SRSF5: variants seen among roughly 807,000 people sequenced by gnomAD.
The protein encoded by SRSF5 is serine and arginine rich splicing factor 5.
Under a neutral mutation model 34.0 loss-of-function variants are expected in SRSF5, and 5 were observed. That is an observed-to-expected ratio of 0.15 (90% confidence interval 0.08 to 0.31). The LOEUF is 0.31. SRSF5 is among the 10% of genes least tolerant of loss of function. The pLI, the probability that SRSF5 is intolerant of heterozygous loss-of-function variation, is 1.00. For synonymous variants in SRSF5, 164 were observed against 117.7 expected (o/e 1.39, Z -2.55); for missense variants, 223 against 351.4 (o/e 0.63, Z 2.92).
At chr14:69,770,112 T>A (rs1883019589) in intron 5 of SRSF5, 3 of 1,035,202 alleles carry the variant, frequency 2.9e-6, no homozygotes, top group Admixed American at 5.4e-5. Context: ...TCTGTTTTTT[T>A]AAATAAAACT....
chr14:69,771,673 TCTG>T lies in SRSF5; in HGVS notation c.*215_*217del, dbSNP rs1031060336. On this transcript the variant is annotated 3_prime_UTR_variant, in exon 8 of 8. Transcript: ENST00000557154. ...GTATTAAATGTCTTTTGATAAGCCTTCTGCTCACATTTTTGTGAATGTCTGAAG... is the reference window on the plus strand; with the variant it reads ...GTATTAAATGTCTTTTGATAAGCCTTCTCACATTTTTGTGAATGTCTGAAG... 5 of 577,286 alleles carry T rather than the reference TCTG, an allele frequency of 8.7e-6. No homozygotes were observed. The highest frequency in any genetic ancestry group is 3.0e-5 in the East Asian group (1 of 33,790). 35.8% of individuals were successfully genotyped at this position (577,286 alleles called of 1,614,324 possible).
At chr14:69,767,412 T>A in intron 1 of SRSF5, 157 bp downstream of exon 1, 1 of 455,918 alleles carries the variant, frequency 2.2e-6, no homozygotes, top group Non-Finnish European at 4.4e-6. Flanking sequence ...CCTTTTGGCA[T>A]ACTGTTTGAG....
At chr14:69,770,211 A>G in intron 5 of SRSF5, 1 of 1,220,436 alleles carries the variant, frequency 8.2e-7, no homozygotes, top group Non-Finnish European at 1.0e-6. Flanking sequence ...TACTGAGCTC[A>G]GCATAGACTA....
At chr14:69,769,801 G>A in intron 5 of SRSF5, 2 of 1,344,570 alleles carry the variant, frequency 1.5e-6, no homozygotes, top group Non-Finnish European at 1.9e-6. Context: ...TGAAAGATAC[G>A]AAATTAGGTG....
Position 69,771,283 on chromosome 14 carries a change from G to A in SRSF5, c.641G>A (p.Arg214Gln), listed in dbSNP as rs981843005. The A allele has an allele frequency of 6.2e-7, 1 of 1,613,956 alleles. No homozygotes were observed. The highest frequency in any genetic ancestry group is 8.5e-7 in the Non-Finnish European group (1 of 1,180,020). ...SRSRSRKSYSRSRSRSRSRSR... is the reference protein window; with the variant it reads ...SRSRSRKSYSQSRSRSRSRSR... The stretch of plus-strand genomic sequence containing the variant: ...TCCCGTAGTCGCAAATCTTACAGCC[G>A]GTCAAGAAGCAGGAGCAGGAGCCGG... The change falls in exon 8 of 8, where the codon CGG becomes CAG. Residue 214 changes from arginine to glutamine, a missense_variant. Arg to Gln is a conservative substitution (Grantham distance 43). Around this residue, in one of 4 missense-constraint regions of SRSF5, gnomAD observed 115 missense variants for 119.7 expected, o/e 0.96. Coordinates refer to ENST00000557154, the MANE Select transcript of SRSF5 (RefSeq NM_001320214.2).
At position 69,768,945 on chromosome 14, in the gene SRSF5, A is replaced by G. The variant is rs529958922; in HGVS notation, c.296+49A>G. 3.8e-6 allele frequency: 6 copies of G among 1,574,720 alleles called. No homozygotes were observed. The East Asian group carries it at 9.0e-5, about 23-fold the overall frequency. On this transcript the variant is annotated intron_variant, in intron 4 of 7. Transcript: ENST00000557154. ...ATTGAACAATTATTGTAGGGGTAGC[A>G]TTTAAGATTCAGGAGTCATTAGCAG... is the stretch of plus-strand genomic sequence containing the variant.
At chr14:69,769,336 AAGT>A (rs1213084889) in intron 5 of SRSF5, 85 bp downstream of exon 5, 44 of 1,554,210 alleles carry the variant, frequency 2.8e-5, no homozygotes, top group South Asian at 2.8e-4. Flanking sequence ...GTTTTATTAA[AAGT>A]AGTTTTAAAT....
rs367816486 is a variant in SRSF5 at position 69,768,575 on chromosome 14, A to G, written c.127-29A>G. On this transcript the variant is annotated intron_variant, in intron 2 of 7. Transcript: ENST00000557154. ...GTTGTAGAATACTCTTCTAAAGCCA[A>G]TGTTAAGAGTCTTATGCTTACATTT... The G allele has an allele frequency of 4.4e-4, 708 of 1,605,072 alleles. 1 individual carries two copies. Among genetic ancestry groups the G allele is most frequent in the Middle Eastern group, 1.5e-3 (9 of 6,032 alleles).
intron 6 of SRSF5, 110 bp from the exon 7 acceptor site, chr14:69,770,885 A>G: frequency 2.1e-6 from 2 of 935,456 alleles, no homozygotes; most frequent in South Asian, 1.7e-5. Context: ...ATAAGACTCA[A>G]TAGTAGCAAT....
intron 2 of SRSF5, 158 bp downstream of exon 2, chr14:69,768,440 C>A: frequency 7.9e-7 from 1 of 1,271,652 alleles, no homozygotes; most frequent in Non-Finnish European, 1.1e-6. Context: ...TTTAACTTGC[C>A]GGCTCACTGG....
rs1467710301 is a variant in SRSF5 at position 69,768,861 on chromosome 14, C to A, written c.261C>A (p.Asp87Glu). 3.7e-6 allele frequency: 6 copies of A among 1,614,036 alleles called. No individual in the cohort carries two copies. The highest frequency in any genetic ancestry group is 3.4e-6 in the Non-Finnish European group (4 of 1,180,046). Residue 87 changes from aspartate to glutamate, a missense_variant, in exon 4 of 8, where the codon GAC becomes GAA. By Grantham distance (45) the Asp-to-Glu change is conservative. This residue lies in a region of SRSF5 where 44 missense variants were observed against 44.3 expected (regional missense o/e 0.99). Transcript: ENST00000557154. The stretch of plus-strand genomic sequence containing the variant: ...GAAGAGGTAGAGGACGATACTCTGA[C>A]CGTTTTAGTAGTCGCAGACCTCGAA... ...RGGRGRGRYS[D>E]RFSSRRPRND...
chr14:69,770,443 T>G, intron 5 of SRSF5, 24 bp from the exon 6 acceptor site: 1 of 1,610,228 alleles, frequency 6.2e-7, no homozygotes, highest in Non-Finnish European at 8.5e-7. Context: ...TCTTCTTTGC[T>G]TAACACAATT....
At position 69,768,906 on chromosome 14, in the gene SRSF5, G is replaced by A. The variant is rs1464071893; in HGVS notation, c.296+10G>A. On this transcript the variant is annotated intron_variant, in intron 4 of 7. Transcript: ENST00000557154. ...CTCGAAATGATAGACGGTATGTGAA[G>A]GGTGGATGGCTGCATTGAACAATTA... The A allele has an allele frequency of 6.8e-6, 11 of 1,612,044 alleles. No individual in the cohort carries two copies. The highest frequency in any genetic ancestry group is 8.5e-6 in the Non-Finnish European group (10 of 1,178,192).
At position 69,767,230 on chromosome 14, in the gene SRSF5, C is replaced by T. The variant is rs986285444; in HGVS notation, c.-45C>T. The stretch of plus-strand genomic sequence containing the variant: ...GCAGACTACGGACCTGTCTGGGTCT[C>T]AGCCGCCAAAGACCCCGTCCGGTAG... On this transcript the variant is annotated 5_prime_UTR_variant, in exon 1 of 8. Transcript: ENST00000557154. 10 of 372,128 alleles carry T rather than the reference C, an allele frequency of 2.7e-5. No homozygotes were observed. The highest frequency in any genetic ancestry group is 4.7e-5 in the Non-Finnish European group (9 of 192,918). The allele number at this position is 372,128 out of a possible 1,614,324, so 23.1% of individuals were successfully genotyped here. A position where few individuals can be genotyped will look rare whatever the true frequency, so the allele number is the denominator to read the frequency against.
intron 2 of SRSF5, 123 bp from the exon 3 acceptor site, chr14:69,768,481 T>G: frequency 8.2e-7 from 1 of 1,226,830 alleles, no homozygotes; most frequent in Non-Finnish European, 1.2e-6. Context: ...CTTGATTAGG[T>G]TTGACTGTAT....
chr14:69,768,558 A>G lies in SRSF5; in HGVS notation c.127-46A>G, dbSNP rs548106118. 3.8e-6 allele frequency: 6 copies of G among 1,566,928 alleles called. No individual in the cohort carries two copies. In the Admixed American group the frequency reaches 8.3e-5, roughly 22 times the overall value. On this transcript the variant is annotated intron_variant, in intron 2 of 7. Coordinates refer to ENST00000557154, the MANE Select transcript of SRSF5 (RefSeq NM_001320214.2). ...TTCAGTGCTCTTAATGTGTTGTAGA[A>G]TACTCTTCTAAAGCCAATGTTAAGA...
Position 69,771,232 on chromosome 14 carries a change from C to T in SRSF5, c.590C>T (p.Ser197Phe), listed in dbSNP as rs1289597990. 6.2e-7 allele frequency: 1 copy of T among 1,614,082 alleles called. No homozygotes were observed. Among genetic ancestry groups the T allele is most frequent in the Non-Finnish European group, 8.5e-7 (1 of 1,180,034 alleles). ...RSRSRSRTRSSSRSRSRSRSR... is the reference protein window; with the variant it reads ...RSRSRSRTRSFSRSRSRSRSR... The stretch of plus-strand genomic sequence containing the variant: ...AGGTCTCGATCCCGGACCAGAAGTT[C>T]CTCTAGGTCTCGTAGCCGATCCCGT... The change falls in exon 8 of 8, where the codon TCC becomes TTC. Residue 197 changes from serine to phenylalanine, a missense_variant. This residue lies in a region of SRSF5 where 115 missense variants were observed against 119.7 expected (regional missense o/e 0.96). Coordinates refer to ENST00000557154, the MANE Select transcript of SRSF5 (RefSeq NM_001320214.2).
intron 1 of SRSF5, 148 bp downstream of exon 1, chr14:69,767,403 C>G (rs1176320339): frequency 4.4e-6 from 2 of 455,970 alleles, no homozygotes; most frequent in Non-Finnish European, 8.8e-6. Flanking sequence ...GCACGTCTCC[C>G]TTTTGGCATA....
At chr14:69,770,008 T>G (rs1883011580) in intron 5 of SRSF5, 1 of 1,030,672 alleles carries the variant, frequency 9.7e-7, no homozygotes. Flanking sequence ...ATTAATGGTT[T>G]GCTGCTTGAC....
Sources: allele counts gnomAD v4.1 joint callset, GRCh38; gene constraint gnomAD v4.1.1; regional missense constraint gnomAD v4.1.1; transcripts MANE v1.5; gene names NCBI Gene and HGNC (gene_info 2026-07-23, HGNC 2026-07-21).